ZNF426: variants seen among roughly 807,000 people sequenced by gnomAD.
ZNF426 encodes zinc finger protein 426.
ZNF426 carries 23 observed loss-of-function variants against 24.0 expected under a neutral mutation model. That is an observed-to-expected ratio of 0.96 (90% CI 0.69 to 1.36). The LOEUF (loss-of-function observed/expected upper bound fraction) is 1.36. ZNF426 is among the 40% of genes most tolerant of loss of function. The probability of loss-of-function intolerance (pLI) is 0.00; values close to 1 mark genes in which losing one functional copy is unlikely to be tolerated. For synonymous variants in ZNF426, 272 were observed against 224.6 expected, an observed-to-expected ratio of 1.21 and a Z score of -1.89; for missense variants, 646 against 658.4, an observed-to-expected ratio of 0.98 and a Z score of 0.21.
At chr19:9,536,172 A>C in intron 3 of ZNF426, 36 bp downstream of exon 3, 1 of 1,614,044 alleles carries the variant, frequency 6.2e-7, no homozygotes, top group Non-Finnish European at 8.5e-7. Flanking sequence ...AAGGGAACCT[A>C]GAACAGGATA....
intron 6 of ZNF426, among the ~76,000 whole-genome samples, chr19:9,531,713 G>C (rs563739546): frequency 6.6e-6 from 1 of 152,064 alleles, no homozygotes; most frequent in Non-Finnish European, 1.5e-5. Context: ...GGCCGGGCAC[G>C]GTGGCTCATG....
chr19:9,537,451 C>CTTT (rs199870394), intron 2 of ZNF426, among the ~76,000 whole-genome samples: 4 of 137,892 alleles, frequency 2.9e-5, no homozygotes, highest in African/African-American at 8.5e-5. Context: ...ATATTTAACT[C>CTTT]TTTTTTTTTT....
Position 9,532,943 on chromosome 19 carries a change from C to T in ZNF426, c.245-18G>A, listed in dbSNP as rs759383422. On this transcript the variant is annotated intron_variant, in intron 5 of 7. Coordinates refer to ENST00000253115, the MANE Select transcript of ZNF426 (RefSeq NM_024106.3). Reference sequence around the variant, plus strand: ...CTGACCTCCTGAGCACAGAGAAATACATTAATGGAAGAGGCTCATAAAAAA... The same window carrying T: ...CTGACCTCCTGAGCACAGAGAAATATATTAATGGAAGAGGCTCATAAAAAA... 1 of 1,590,626 alleles carries T rather than the reference C, an allele frequency of 6.3e-7. No homozygotes were observed. The highest frequency in any genetic ancestry group is 8.6e-7 in the Non-Finnish European group (1 of 1,160,684).
chr19:9,536,438 T>C lies in ZNF426; in HGVS notation c.-124-82A>G, dbSNP rs537331434. The C allele has an allele frequency of 9.5e-6, 13 of 1,366,096 alleles. No homozygotes were observed. The East Asian group carries it at 2.3e-4, about 24-fold the overall frequency. The allele number at this position is 1,366,096 out of a possible 1,614,324, so 84.6% of individuals were successfully genotyped here. A position where few individuals can be genotyped will look rare whatever the true frequency, so the allele number is the denominator to read the frequency against. ...ATACACCGGCTGGGGCAGTAGCTCATGCCTGTAATCCCAGCATTTTGGGAG... is the reference window on the plus strand; with the variant it reads ...ATACACCGGCTGGGGCAGTAGCTCACGCCTGTAATCCCAGCATTTTGGGAG... On this transcript the variant is annotated intron_variant, in intron 2 of 7. Coordinates refer to ENST00000253115, the MANE Select transcript of ZNF426 (RefSeq NM_024106.3).
At position 9,533,877 on chromosome 19, in the gene ZNF426, G is replaced by T. The variant is rs760461524; in HGVS notation, c.207C>A (p.Asp69Glu). ...LDSTQRSLYS[D>E]VMLENYKNLA... is the part of the protein sequence containing the mutation. The stretch of plus-strand genomic sequence containing the variant: ...GGTTCTTGTAGTTCTCCAGCATCAC[G>T]TCACTGTAGAGGCTTCTCTGAGTTG... Residue 69 changes from aspartate (D) to glutamate (E), a missense_variant, in exon 5 of 8, where the codon GAC (aspartate) becomes GAA (glutamate). Asp to Glu is a conservative substitution (Grantham distance 45, BLOSUM62 2). Coordinates refer to ENST00000253115, the MANE Select transcript of ZNF426 (RefSeq NM_024106.3). 6 of 1,613,958 alleles carry T rather than the reference G, an allele frequency of 3.7e-6. No homozygotes were observed. Among genetic ancestry groups the T allele is most frequent in the Non-Finnish European group, 5.1e-6 (6 of 1,179,986 alleles).
At position 9,528,749 on chromosome 19, in the gene ZNF426, G is replaced by A. The variant is rs766389321; in HGVS notation, c.1296C>T (p.Pro432=). The A allele has an allele frequency of 1.2e-6, 2 of 1,613,884 alleles. No individual in the cohort carries two copies. The part of the protein sequence containing the change: ...CKICGKVFGY[P]SCLNNHMRTH... Reference sequence around the variant, plus strand: ...TTCGCATGTGATTATTAAGACATGAGGGATACCCAAATACTTTCCCACATA... The same window carrying A: ...TTCGCATGTGATTATTAAGACATGAAGGATACCCAAATACTTTCCCACATA... The change falls in exon 8 of 8, where the codon CCC becomes CCT. Residue 432 remains proline (P), a synonymous_variant. Coordinates refer to ENST00000253115, the MANE Select transcript of ZNF426 (RefSeq NM_024106.3).
chr19:9,530,472 CAT>C (rs2073866506), intron 7 of ZNF426, among the ~76,000 whole-genome samples: 1 of 148,400 alleles, frequency 6.7e-6, no homozygotes, highest in Admixed American at 6.7e-5. Context: ...AAAAAAAATT[CAT>C]AGTCTAAGCC....
Position 9,536,328 on chromosome 19 carries a change from T to G in ZNF426, c.-96A>C. On this transcript the variant is annotated 5_prime_UTR_variant, in exon 3 of 8. The change abolishes an upstream ATG in the 5' untranslated region. Transcript: ENST00000253115. ...TCTAAATGGACAGTGGCAATCTCCA[T>G]TCCTCTTTAAACAGGGTTATTGGGA... The G allele has an allele frequency of 6.2e-7, 1 of 1,610,982 alleles. No individual in the cohort carries two copies. Among genetic ancestry groups the G allele is most frequent in the Non-Finnish European group, 8.5e-7 (1 of 1,178,542 alleles).
At chr19:9,536,751 C>G (rs2073972038) in intron 2 of ZNF426, among the ~76,000 whole-genome samples, 1 of 152,216 alleles carries the variant, frequency 6.6e-6, no homozygotes, top group Non-Finnish European at 1.5e-5. Context: ...GGCCAAACCA[C>G]TCTGTGCCTA....
rs1241915744 is a variant in ZNF426 at position 9,529,414 on chromosome 19, T to G, written c.631A>C (p.Asn211His). The G allele has an allele frequency of 1.9e-6, 3 of 1,613,670 alleles. No homozygotes were observed. The East Asian group carries it at 6.7e-5, about 36-fold the overall frequency. Residue 211 changes from asparagine to histidine, a missense_variant, in exon 8 of 8, where the codon AAT (asparagine) becomes CAT (histidine). By Grantham distance (68) the Asn-to-His change is moderately conservative. Coordinates refer to ENST00000253115, the MANE Select transcript of ZNF426 (RefSeq NM_024106.3). ...QSEKIFSLTP[N>H]IVYQRTSTQE... ...GTGCTAGTTCTCTGGTATACAATAT[T>G]TGGTGTCAGGCTGAAGATTTTTTCA...
At position 9,527,990 on chromosome 19, in the gene ZNF426, CTTT is replaced by C. The variant is rs201978637; in HGVS notation, c.*387_*389del. ...AGACTCAATTTAATCAAATAATTTTCTTTTTTTTTTTTTTTTGAGATGGAGTCT... is the reference window on the plus strand; with the variant it reads ...AGACTCAATTTAATCAAATAATTTTCTTTTTTTTTTTTTGAGATGGAGTCT... On this transcript the variant is annotated 3_prime_UTR_variant, in exon 8 of 8. Transcript: ENST00000253115. 2.3e-4 allele frequency: 32 copies of C among 141,304 alleles called. No individual in the cohort carries two copies. Among genetic ancestry groups the C allele is most frequent in the Admixed American group, 5.5e-4 (8 of 14,500 alleles). The allele number at this position is 141,304 out of a possible 1,614,324, so 8.8% of individuals were successfully genotyped here.
chr19:9,532,747 G>T, intron 6 of ZNF426, 98 bp downstream of exon 6: 2 of 838,324 alleles, frequency 2.4e-6, no homozygotes, highest in South Asian at 1.6e-5. Flanking sequence ...TTGGGGTTTA[G>T]AGTGCAGGGA....
In ZNF426 at chr19:9,535,046, TCCAG is replaced by T. The variant is rs146585619; in HGVS notation, c.117+138_117+141del. 3.4e-3 allele frequency: 2,006 copies of T among 593,826 alleles called. 8 individuals are homozygous for T. Among genetic ancestry groups the T allele is most frequent in the Non-Finnish European group, 4.6e-3 (1,647 of 354,264 alleles). 36.8% of individuals were successfully genotyped at this position (593,826 alleles called of 1,614,324 possible). A position where few individuals can be genotyped will look rare whatever the true frequency, so the allele number is the denominator to read the frequency against. ...GTGAGCCGAGAGCATAGCACTGCAC[TCCAG>T]CCTGGCAACACAGCGAGACTCCCTC... On this transcript the variant is annotated intron_variant, in intron 4 of 7. Coordinates refer to ENST00000253115, the MANE Select transcript of ZNF426 (RefSeq NM_024106.3).
chr19:9,535,209 G>A lies in ZNF426; in HGVS notation c.96C>T (p.Asp32=). The A allele has an allele frequency of 1.2e-6, 2 of 1,613,222 alleles. No homozygotes were observed. Among genetic ancestry groups the A allele is most frequent in the Non-Finnish European group, 1.7e-6 (2 of 1,179,456 alleles). ...TTACCTGATAACAATCTGTTAGGCA[G>A]TCAGCCACTATTCTTCCTGCTGGTG... ...EKTPAGRIVA[D]CLTDCYQDSV... is the part of the protein sequence containing the mutation. Residue 32 remains aspartate, a synonymous_variant, in exon 4 of 8, where the codon GAC becomes GAT. Transcript: ENST00000253115.
Position 9,536,336 on chromosome 19 carries a change from T to TAAAC in ZNF426, c.-108_-105dup. 1.2e-6 allele frequency: 2 copies of TAAAC among 1,607,100 alleles called. No homozygotes were observed. The highest frequency in any genetic ancestry group is 2.2e-5 in the South Asian group (2 of 89,776). On this transcript the variant is annotated 5_prime_UTR_variant, in exon 3 of 8. Coordinates refer to ENST00000253115, the MANE Select transcript of ZNF426 (RefSeq NM_024106.3). Reference sequence around the variant, plus strand: ...GACAGTGGCAATCTCCATTCCTCTTTAAACAGGGTTATTGGGATTCCTGTT... The same window carrying TAAAC: ...GACAGTGGCAATCTCCATTCCTCTTTAAACAAACAGGGTTATTGGGATTCCTGTT...
rs1358023776 is a variant in ZNF426, at chr19:9,523,492, T to TA, written c.*4887dup. The TA allele has an allele frequency of 6.6e-6, 1 of 152,158 alleles. No homozygotes were observed. Among genetic ancestry groups the TA allele is most frequent in the African/African-American group, 2.4e-5 (1 of 41,448 alleles). The allele number at this position is 152,158 out of a possible 1,614,324, so 9.4% of individuals were successfully genotyped here. On this transcript the variant is annotated 3_prime_UTR_variant, in exon 8 of 8. Coordinates refer to ENST00000253115, the MANE Select transcript of ZNF426 (RefSeq NM_024106.3). ...CTGCCTCATTTTAAAATCACCTCTT[T>TA]AAAAAACCACATCTCTAAATACCAC...
chr19:9,536,511 G>A (rs538731143), intron 2 of ZNF426, 155 bp from the exon 3 acceptor site: 34 of 573,856 alleles, frequency 5.9e-5, no homozygotes, highest in Admixed American at 1.4e-4. Context: ...GACCAGCCTG[G>A]GCAACATAGC....
intron 6 of ZNF426, among the ~76,000 whole-genome samples, chr19:9,531,448 C>T (rs900247505): frequency 2.0e-5 from 3 of 152,134 alleles, no homozygotes; most frequent in African/African-American, 7.2e-5. Flanking sequence ...TGGCTTATTT[C>T]TATTTGTTTC....
intron 5 of ZNF426, among the ~76,000 whole-genome samples, 167 bp from the exon 6 acceptor site, chr19:9,533,092 C>T (rs982391536): frequency 1.3e-4 from 20 of 152,178 alleles, no homozygotes; most frequent in African/African-American, 4.3e-4. Flanking sequence ...TTACTTCTGT[C>T]CCCTAAACCG....
Sources: gnomAD v4.1 joint callset for allele counts (sites outside exome capture counted in the v4.1 genomes callset) on GRCh38, gnomAD v4.1.1 for gene constraint, MANE v1.5 for transcripts, NCBI Gene and HGNC (gene_info 2026-07-23, HGNC 2026-07-21) for gene names.